Variants in FAM228B observed in about 807,000 individuals in gnomAD.
FAM228B encodes the protein family with sequence similarity 228 member B, also known as protein FAM228B.
Under a neutral mutation model 42.6 loss-of-function variants are expected in FAM228B, and 38 were observed. The observed-to-expected ratio is 0.89, with a 90% CI of 0.69 to 1.17. The LOEUF (loss-of-function observed/expected upper bound fraction) is 1.17, where lower values mean the gene tolerates loss of function less well. Ranked by LOEUF, FAM228B falls within the 50% of genes most tolerant of loss-of-function variation. The pLI is 0.00. For missense variants in FAM228B, 344 were observed against 367.3 expected (o/e 0.94, Z 0.52); for synonymous variants, 109 against 122.3 (o/e 0.89, Z 0.72).
At chr2:24,167,303 T>G (rs1012261322) in intron 9 of FAM228B, among the ~76,000 whole-genome samples, 3 of 152,082 alleles carry the variant, frequency 2.0e-5, no homozygotes. Context: ...GGGTGGATTG[T>G]GGTTCTAGTC....
chr2:24,167,509 T>G (rs1352610608), intron 9 of FAM228B, 118 bp from the exon 10 acceptor site: 1 of 1,385,596 alleles, frequency 7.2e-7, no homozygotes, highest in Non-Finnish European at 9.9e-7. Context: ...TTGGTTCTTC[T>G]CCTGCCCTGG....
At position 24,169,503 on chromosome 2, in the gene FAM228B, A is replaced by T. The variant is rs1380776638; in HGVS notation, c.*162A>T. ...AAGAATTGTCCTGTCTCTAAAAAAA[A>T]AGCATCTGCAACGAACTTCCTTTAA... On this transcript the variant is annotated 3_prime_UTR_variant, in exon 11 of 11. Transcript: ENST00000615575. This position sits in a 1 kb window ranked among gnomAD's most constrained non-coding sequence, Gnocchi z 4.2. 6 of 307,740 alleles carry T rather than the reference A, an allele frequency of 1.9e-5. No homozygotes were observed. The highest frequency in any genetic ancestry group is 1.7e-4 in the South Asian group (6 of 36,012). 19.1% of individuals were successfully genotyped at this position (307,740 alleles called of 1,614,324 possible). A position where few individuals can be genotyped will look rare whatever the true frequency, so the allele number is the denominator to read the frequency against.
At chr2:24,098,124 G>A (rs986392847) in intron 3 of FAM228B, among the ~76,000 whole-genome samples, 19 of 152,220 alleles carry the variant, frequency 1.2e-4, no homozygotes, top group African/African-American at 4.1e-4. Context: ...TCTGGGACAC[G>A]TTTAAAGCAG....
intron 7 of FAM228B, 96 bp downstream of exon 7, chr2:24,147,182 TATC>T: frequency 1.1e-6 from 1 of 910,326 alleles, no homozygotes; most frequent in African/African-American, 1.7e-5. Flanking sequence ...TTTTTAAAAT[TATC>T]ATTTTTCTTT....
chr2:24,141,170 G>T (rs934158465), intron 5 of FAM228B, among the ~76,000 whole-genome samples: 6 of 151,768 alleles, frequency 4.0e-5, no homozygotes, highest in Non-Finnish European at 8.8e-5. Flanking sequence ...CCCATCCTGG[G>T]TTCAAGCGAT....
At chr2:24,153,338 C>T (rs1667062934) in intron 7 of FAM228B, among the ~76,000 whole-genome samples, 1 of 152,152 alleles carries the variant, frequency 6.6e-6, no homozygotes, top group Admixed American at 6.5e-5. Context: ...GAATCCAGAG[C>T]CCCCAGTATA....
At chr2:24,122,098 G>A (rs1181664576), upstream of FAM228B, among the ~76,000 whole-genome samples, 3 of 152,152 alleles carry the variant, frequency 2.0e-5, no homozygotes, top group African/African-American at 7.2e-5. Flanking sequence ...TTGGGAGGCC[G>A]AGGCAGGTGG....
chr2:24,136,551 C>T (rs183573174), intron 3 of FAM228B, among the ~76,000 whole-genome samples: 18 of 152,088 alleles, frequency 1.2e-4, no homozygotes, highest in Middle Eastern at 3.4e-3. Flanking sequence ...TTTGTAGAGA[C>T]GGAGTCTGAC....
In FAM228B at chr2:24,084,068, C is replaced by T; in HGVS notation, c.-210+3113C>T. On this transcript the variant is annotated intron_variant, in intron 2 of 10. Coordinates refer to the FAM228B transcript ENST00000613899. This position sits in a 1 kb window ranked among gnomAD's most constrained non-coding sequence, Gnocchi z 8.4. The stretch of plus-strand genomic sequence containing the variant: ...TGGGTTTAGGTCTGGGAAGCCCCAG[C>T]GCAGCTGCCTGCTGGGTGTGGAGCG... The T allele has an allele frequency of 2.8e-6, 4 of 1,413,328 alleles. No homozygotes were observed. In the South Asian group the frequency reaches 5.8e-5, roughly 21 times the overall value. 87.5% of individuals were successfully genotyped at this position (1,413,328 alleles called of 1,614,324 possible). A position where few individuals can be genotyped will look rare whatever the true frequency, so the allele number is the denominator to read the frequency against.
intron 7 of FAM228B, among the ~76,000 whole-genome samples, chr2:24,159,239 T>C (rs549462394): frequency 6.6e-6 from 1 of 152,378 alleles, no homozygotes. Context: ...GAAGATATTT[T>C]TTTGGGTGCA....
At chr2:24,145,398 A>G (rs1450691466) in intron 5 of FAM228B, among the ~76,000 whole-genome samples, 3 of 152,220 alleles carry the variant, frequency 2.0e-5, no homozygotes, top group Non-Finnish European at 4.4e-5. Flanking sequence ...TATGGAGACT[A>G]TACTGTTGCA....
Position 24,084,887 on chromosome 2 carries a change from A to G in FAM228B, c.-210+3932A>G, listed in dbSNP as rs33926913. 0.02 allele frequency: 3,121 copies of G among 152,344 alleles called. 35 individuals carry two copies. Among genetic ancestry groups the G allele is most frequent in the South Asian group, 0.046 (220 of 4,824 alleles). 9.4% of individuals were successfully genotyped at this position (152,344 alleles called of 1,614,324 possible). A position where few individuals can be genotyped will look rare whatever the true frequency, so the allele number is the denominator to read the frequency against. The stretch of plus-strand genomic sequence containing the variant: ...TGGGGTAGCCGGAGGGGTGGGGCTA[A>G]GCAGAACCACCCTCCCCCTCTTTCC... On this transcript the variant is annotated intron_variant, in intron 2 of 10. Coordinates refer to the FAM228B transcript ENST00000613899. The surrounding 1 kb of genome is among the most constrained non-coding windows in gnomAD (Gnocchi z 8.4).
intron 8 of FAM228B, among the ~76,000 whole-genome samples, chr2:24,163,645 C>G (rs1218495207): frequency 6.6e-6 from 1 of 152,138 alleles, no homozygotes; most frequent in Non-Finnish European, 1.5e-5. Context: ...CAATAATCAG[C>G]ATCTTAATTC....
rs1665194675 is a variant in FAM228B, at chr2:24,084,977, A to T, written c.-210+4022A>T. On this transcript the variant is annotated intron_variant, in intron 2 of 10. Coordinates refer to the FAM228B transcript ENST00000613899. This position sits in a 1 kb window ranked among gnomAD's most constrained non-coding sequence, Gnocchi z 8.4. ...GCAAATCAGATTTTCTTGTCCTTTT[A>T]GCCTCTGGAAAAGAGTCTTTCTCTC... The T allele has an allele frequency of 6.6e-6, 1 of 152,264 alleles. No individual in the cohort carries two copies. The highest frequency in any genetic ancestry group is 2.4e-5 in the African/African-American group (1 of 41,450). 9.4% of individuals were successfully genotyped at this position (152,264 alleles called of 1,614,324 possible).
intron 10 of FAM228B, chr2:24,168,016 G>A (rs1008698416): frequency 6.7e-5 from 18 of 269,350 alleles, no homozygotes; most frequent in African/African-American, 3.4e-4. Context: ...TGATGGAACT[G>A]CCACTACTTC....
intron 2 of FAM228B, among the ~76,000 whole-genome samples, chr2:24,086,236 A>AT (rs1178535721): frequency 6.8e-6 from 1 of 147,450 alleles, no homozygotes; most frequent in African/African-American, 2.5e-5. Context: ...CTCCGTCTCA[A>AT]AAAAAAAAAA....
chr2:24,083,302 G>A, intron 2 of FAM228B: 1 of 1,012,684 alleles, frequency 9.9e-7, no homozygotes, highest in African/African-American at 1.6e-5. Flanking sequence ...GAAGAAAAAG[G>A]AGAGGCCATT....
At chr2:24,111,934 C>T (rs1473237876) in intron 3 of FAM228B, among the ~76,000 whole-genome samples, 1 of 152,156 alleles carries the variant, frequency 6.6e-6, no homozygotes, top group Non-Finnish European at 1.5e-5. Flanking sequence ...AAAACAAAAA[C>T]TCCAGAGAGC....
chr2:24,124,194 A>G, intron 1 of FAM228B, 136 bp from the exon 2 acceptor site: 1 of 547,684 alleles, frequency 1.8e-6, no homozygotes, highest in South Asian at 2.5e-5. Flanking sequence ...TCTGTAGTGA[A>G]GGCCTCTTGT....
Sources: allele counts gnomAD v4.1 joint callset (sites outside exome capture counted in the v4.1 genomes callset), GRCh38; gene constraint gnomAD v4.1.1; non-coding constraint Gnocchi (gnomAD v3.1); transcripts MANE v1.5; gene names NCBI Gene and HGNC (gene_info 2026-07-23, HGNC 2026-07-21).